The following PIK3C2G variants were observed in gnomAD, a reference collection of about 807,000 sequenced individuals.
PIK3C2G encodes the protein phosphatidylinositol-4-phosphate 3-kinase catalytic subunit type 2 gamma, also known as phosphatidylinositol 3-kinase C2 domain-containing subunit gamma.
In PIK3C2G, 168 loss-of-function variants were observed where a neutral mutation model predicts 181.1. The observed-to-expected ratio is 0.93, with a 90% CI of 0.82 to 1.05. The LOEUF (loss-of-function observed/expected upper bound fraction) is 1.05. PIK3C2G is among the 50% of genes least tolerant of loss of function. PIK3C2G has a pLI of 0.00. For missense variants in PIK3C2G, 1,869 were observed against 1,732.8 expected, an observed-to-expected ratio of 1.08 and a Z score of -1.40; for synonymous variants, 573 against 592.2, an observed-to-expected ratio of 0.97 and a Z score of 0.47.
At chr12:18,458,064 T>C (rs377198336) in intron 18 of PIK3C2G, among the ~76,000 whole-genome samples, 1 of 152,278 alleles carries the variant, frequency 6.6e-6, no homozygotes, top group East Asian at 1.9e-4. Context: ...AATTTAAACT[T>C]CTTAAGTTTT....
At chr12:18,511,255 C>T (rs1465879449) in intron 24 of PIK3C2G, among the ~76,000 whole-genome samples, 3 of 152,066 alleles carry the variant, frequency 2.0e-5, no homozygotes. Flanking sequence ...GTTTCCATAT[C>T]TTGGCTATTG....
chr12:18,582,000 G>A (rs962586970), intron 29 of PIK3C2G, among the ~76,000 whole-genome samples: 2 of 152,274 alleles, frequency 1.3e-5, no homozygotes, highest in African/African-American at 4.8e-5. Context: ...AAGGGATAAT[G>A]AGCTGCGTCA....
chr12:18,248,145 T>C (rs1409018133), intron 1 of PIK3C2G: 4 of 152,186 alleles, frequency 2.6e-5, no homozygotes, highest in Non-Finnish European at 5.9e-5. Context: ...GCTCAAGCAG[T>C]GTCTCAAGTC....
chr12:18,677,780 GT>G, the PIK3C2G span, among the ~76,000 whole-genome samples: 2 of 151,988 alleles, frequency 1.3e-5, no homozygotes, highest in Admixed American at 1.3e-4. Context: ...AATTATTTGT[GT>G]TTTCTAAACA....
At chr12:18,252,322 C>A (rs946627987) in intron 1 of PIK3C2G, among the ~76,000 whole-genome samples, 1 of 152,092 alleles carries the variant, frequency 6.6e-6, no homozygotes, top group East Asian at 1.9e-4. Context: ...CTCTGTCAGA[C>A]AAATTACTCT....
intron 32 of PIK3C2G, 123 bp from the exon 33 acceptor site, chr12:18,647,753 T>C (rs1427384838): frequency 2.2e-6 from 1 of 444,454 alleles, no homozygotes; most frequent in Non-Finnish European, 3.8e-6. Context: ...AGTCTGACAT[T>C]AACCTATCTA....
In PIK3C2G at chr12:18,282,751, A is replaced by G. The variant is rs776485084; in HGVS notation, c.670A>G (p.Asn224Asp). The G allele has an allele frequency of 1.9e-6, 3 of 1,588,214 alleles. No homozygotes were observed. The highest frequency in any genetic ancestry group is 2.6e-6 in the Non-Finnish European group (3 of 1,165,834). The part of the protein sequence containing the change: ...PGMWESTWQK[N>D]IESIGCSIQL... ...AATGTGGGAAAGTACATGGCAGAAG[A>G]ATATAGAGGTAAGTATAATACATGT... is the stretch of plus-strand genomic sequence containing the variant. Residue 224 changes from asparagine to aspartate, a missense_variant, in exon 2 of 33, where the codon AAT becomes GAT. Coordinates refer to ENST00000538779, the MANE Select transcript of PIK3C2G (RefSeq NM_001288772.2).
At chr12:18,696,313 A>G in the PIK3C2G span, 1 of 470,662 alleles carries the variant, frequency 2.1e-6, no homozygotes, top group South Asian at 1.9e-5. Context: ...AAATAAATTT[A>G]AAAAGCCACT....
chr12:18,722,233 C>T, the PIK3C2G span, among the ~76,000 whole-genome samples: 10 of 151,990 alleles, frequency 6.6e-5, no homozygotes, highest in Admixed American at 6.6e-5. Context: ...TCTATGTTTC[C>T]GTATCACATA....
chr12:18,691,847 G>C, the PIK3C2G span, among the ~76,000 whole-genome samples: 1 of 152,156 alleles, frequency 6.6e-6, no homozygotes, highest in African/African-American at 2.4e-5. Flanking sequence ...ACAAAAGCCA[G>C]CTACATACTT....
intron 18 of PIK3C2G, among the ~76,000 whole-genome samples, chr12:18,447,500 C>A (rs1459529658): frequency 6.6e-6 from 1 of 152,146 alleles, no homozygotes; most frequent in Non-Finnish European, 1.5e-5. Flanking sequence ...ATCCTATTAA[C>A]ACACAGATAC....
In PIK3C2G at chr12:18,538,244, G is replaced by A; in HGVS notation, c.3412G>A (p.Glu1138Lys). ...CCCACAGCATTTTCAAGATTTTGTGGAACTTTGCTGTCGTGCTTATAATAT... is the reference window on the plus strand; with the variant it reads ...CCCACAGCATTTTCAAGATTTTGTGAAACTTTGCTGTCGTGCTTATAATAT... Reference protein sequence around the residue: ...KNPQHFQDFVELCCRAYNIIR... With the variant: ...KNPQHFQDFVKLCCRAYNIIR... Residue 1138 changes from glutamate to lysine, a missense_variant, in exon 25 of 33, where the codon GAA becomes AAA. Transcript: ENST00000538779. The A allele has an allele frequency of 1.2e-6, 2 of 1,612,204 alleles. No homozygotes were observed. The highest frequency in any genetic ancestry group is 1.7e-5 in the Admixed American group (1 of 59,784).
intron 31 of PIK3C2G, among the ~76,000 whole-genome samples, chr12:18,629,652 A>G (rs964396688): frequency 6.6e-6 from 1 of 152,142 alleles, no homozygotes; most frequent in African/African-American, 2.4e-5. Context: ...GAGATAGGAT[A>G]AGGCCAAAAG....
intron 25 of PIK3C2G, among the ~76,000 whole-genome samples, chr12:18,543,410 C>T (rs929435694): frequency 5.3e-5 from 8 of 151,940 alleles, no homozygotes; most frequent in Non-Finnish European, 8.8e-5. Flanking sequence ...TCCCACCTGC[C>T]AATTTTTGCT....
At chr12:18,621,297 A>C (rs1948852502) in intron 31 of PIK3C2G, among the ~76,000 whole-genome samples, 1 of 152,016 alleles carries the variant, frequency 6.6e-6, no homozygotes, top group Non-Finnish European at 1.5e-5. Context: ...GTACATTCTA[A>C]AAAATAAGTG....
downstream of PIK3C2G, among the ~76,000 whole-genome samples, chr12:18,650,664 A>ATGTGTGTGTG (rs1159499235): frequency 5.6e-5 from 2 of 35,606 alleles, no homozygotes; most frequent in African/African-American, 2.0e-4. Flanking sequence ...TGGAATATAA[A>ATGTGTGTGTG]TGTGTGTGTG....
intron 31 of PIK3C2G, among the ~76,000 whole-genome samples, chr12:18,639,159 A>G (rs1591739905): frequency 6.6e-6 from 1 of 151,564 alleles, no homozygotes; most frequent in African/African-American, 2.4e-5. Flanking sequence ...GATATATTTT[A>G]TCTTATTTGT....
At chr12:18,554,192 G>A (rs889074533) in intron 26 of PIK3C2G, among the ~76,000 whole-genome samples, 8 of 151,982 alleles carry the variant, frequency 5.3e-5, no homozygotes, top group African/African-American at 1.9e-4. Context: ...TGCATAATGA[G>A]CGCTCTTCCC....
the PIK3C2G span, among the ~76,000 whole-genome samples, chr12:18,666,036 G>C: frequency 1.3e-5 from 2 of 151,386 alleles, no homozygotes; most frequent in African/African-American, 2.4e-5. Context: ...ATTTAAACTA[G>C]ATTATTATAA....
Sources: allele counts gnomAD v4.1 joint callset (sites outside exome capture counted in the v4.1 genomes callset), GRCh38; gene constraint gnomAD v4.1.1; transcripts MANE v1.5; gene names NCBI Gene and HGNC (gene_info 2026-07-23, HGNC 2026-07-21).